Variants in DCAF8 observed in about 807,000 individuals in gnomAD.
DCAF8 encodes the protein DDB1 and CUL4 associated factor 8.
A neutral mutation model predicts 68.0 loss-of-function variants in DCAF8; 20 were observed. That is an observed-to-expected ratio of 0.29 (90% CI 0.21 to 0.43). DCAF8 has a LOEUF of 0.43. DCAF8 is among the 20% of genes least tolerant of loss of function. DCAF8 has a pLI of 1.00. For synonymous variants in DCAF8, 230 were observed against 276.9 expected, an observed-to-expected ratio of 0.83 and a Z score of 1.68; for missense variants, 460 against 771.0, an observed-to-expected ratio of 0.60 and a Z score of 4.78.
At chr1:160,225,816 A>T (rs903297847) in intron 7 of DCAF8, among the ~76,000 whole-genome samples, 153 bp from the exon 8 acceptor site, 3 of 152,174 alleles carry the variant, frequency 2.0e-5, no homozygotes, top group African/African-American at 7.2e-5. Context: ...CTTAAAGGGC[A>T]TCCCTTTTCC....
intron 6 of DCAF8, among the ~76,000 whole-genome samples, chr1:160,236,579 T>A (rs1478307514): frequency 6.6e-6 from 1 of 152,006 alleles, no homozygotes; most frequent in Non-Finnish European, 1.5e-5. Flanking sequence ...AGTGCCTGAT[T>A]TGAGATTTGA....
chr1:160,239,140 C>T (rs1655998734), intron 4 of DCAF8: 4 of 1,043,018 alleles, frequency 3.8e-6, no homozygotes, highest in African/African-American at 3.4e-5. Flanking sequence ...GAAAAGAGAA[C>T]ACCCTTAGGA....
intron 2 of DCAF8, 79 bp from the exon 3 acceptor site, chr1:160,244,113 CA>C (rs1656227464): frequency 9.7e-7 from 1 of 1,033,166 alleles, no homozygotes; most frequent in African/African-American, 1.6e-5. Flanking sequence ...GGAGATTTAA[CA>C]ATGTACAGGT....
chr1:160,218,533 T>A lies in DCAF8; in HGVS notation c.1561-93A>T, dbSNP rs967631676. On this transcript the variant is annotated intron_variant, in intron 12 of 13. Coordinates refer to ENST00000368074, the MANE Select transcript of DCAF8 (RefSeq NM_015726.4). Reference sequence around the variant, plus strand: ...CTGATCTCCTATCCCAATAAAAGCTTCCCTTAAGTTGAAGTGGAGCTACAT... The same window carrying A: ...CTGATCTCCTATCCCAATAAAAGCTACCCTTAAGTTGAAGTGGAGCTACAT... 22 of 990,134 alleles carry A rather than the reference T, an allele frequency of 2.2e-5. No homozygotes were observed. In the East Asian group the frequency reaches 5.2e-4, roughly 24 times the overall value. The allele number at this position is 990,134 out of a possible 1,614,324, so 61.3% of individuals were successfully genotyped here. A position where few individuals can be genotyped will look rare whatever the true frequency, so the allele number is the denominator to read the frequency against.
chr1:160,217,849 T>C (rs1332692450), intron 13 of DCAF8, 141 bp from the exon 14 acceptor site: 9 of 636,284 alleles, frequency 1.4e-5, no homozygotes, highest in Non-Finnish European at 2.5e-5. Flanking sequence ...TACTTTAGAC[T>C]TGTGGTCTAT....
At chr1:160,228,004 C>T (rs1378099136) in intron 7 of DCAF8, among the ~76,000 whole-genome samples, 1 of 152,124 alleles carries the variant, frequency 6.6e-6, no homozygotes, top group Non-Finnish European at 1.5e-5. Context: ...AAGAGATCCT[C>T]CTCTGCCTCC....
chr1:160,218,506 G>A (rs987542347), intron 12 of DCAF8, 66 bp from the exon 13 acceptor site: 121 of 1,189,868 alleles, frequency 1.0e-4, no homozygotes, highest in Non-Finnish European at 1.4e-4. Flanking sequence ...TGATCAAGAA[G>A]GCTGATCTCC....
At chr1:160,254,716 G>A (rs1040468820) in intron 2 of DCAF8, among the ~76,000 whole-genome samples, 1 of 152,014 alleles carries the variant, frequency 6.6e-6, no homozygotes, top group African/African-American at 2.4e-5. Flanking sequence ...GCTTGAACCC[G>A]AGAGGGGAAG....
intron 2 of DCAF8, among the ~76,000 whole-genome samples, chr1:160,244,275 A>C (rs1344601103): frequency 6.6e-6 from 1 of 152,132 alleles, no homozygotes; most frequent in Admixed American, 6.5e-5. Flanking sequence ...TCTTTACTTC[A>C]CTCACTGAGT....
chr1:160,219,196 G>A (rs543538869), intron 11 of DCAF8: 26 of 486,826 alleles, frequency 5.3e-5, no homozygotes, highest in African/African-American at 4.1e-4. Flanking sequence ...TGTATAGGTC[G>A]GGGGTGGCTT....
chr1:160,250,356 C>A (rs1332426433), intron 2 of DCAF8, among the ~76,000 whole-genome samples: 1 of 150,924 alleles, frequency 6.6e-6, no homozygotes, highest in Non-Finnish European at 1.5e-5. Flanking sequence ...ATCCCAGCTA[C>A]TCGGGAGGCT....
At chr1:160,239,177 T>C in intron 4 of DCAF8, 5 of 1,069,532 alleles carry the variant, frequency 4.7e-6, no homozygotes, top group Non-Finnish European at 5.7e-6. Flanking sequence ...GTACAGTAGA[T>C]GGGGCCAAGG....
At chr1:160,223,480 T>C (rs1173729351) in intron 10 of DCAF8, among the ~76,000 whole-genome samples, 2 of 152,108 alleles carry the variant, frequency 1.3e-5, no homozygotes, top group Admixed American at 6.6e-5. Flanking sequence ...GTGGTAACAA[T>C]AGAGAAATGA....
chr1:160,228,216 A>C (rs1351696684), intron 7 of DCAF8, among the ~76,000 whole-genome samples: 2 of 151,758 alleles, frequency 1.3e-5, no homozygotes, highest in African/African-American at 4.8e-5. Context: ...GTCATGAGCC[A>C]CCACACCAAG....
intron 4 of DCAF8, 200 bp from the exon 5 acceptor site, chr1:160,238,947 G>T: frequency 1.5e-6 from 1 of 664,158 alleles, no homozygotes; most frequent in Non-Finnish European, 2.3e-6. Flanking sequence ...AACTTCCTTT[G>T]ATGTAAGAGA....
rs1447226758 is a variant in DCAF8, at chr1:160,237,176, T to G, written c.918A>C (p.Ala306=). ...PCTFLSAGED[A]VVFTIDLRQD... Reference sequence around the variant, plus strand: ...GTCTCAGGTCAATGGTGAAAACAACTGCATCTTCACCTGCAGATAAGAACG... The same window carrying G: ...GTCTCAGGTCAATGGTGAAAACAACGGCATCTTCACCTGCAGATAAGAACG... The change falls in exon 6 of 14, where the codon GCA becomes GCC. Residue 306 remains alanine (A), a synonymous_variant. Transcript: ENST00000368074. 6.3e-7 allele frequency: 1 copy of G among 1,578,426 alleles called. No homozygotes were observed. The highest frequency in any genetic ancestry group is 1.3e-5 in the African/African-American group (1 of 74,610).
At chr1:160,247,944 A>G (rs1460540904) in intron 2 of DCAF8, among the ~76,000 whole-genome samples, 1 of 152,216 alleles carries the variant, frequency 6.6e-6, no homozygotes, top group Non-Finnish European at 1.5e-5. Flanking sequence ...GGGTTAGGCA[A>G]CAATTTCTTA....
Position 160,244,032 on chromosome 1 carries a change from A to G in DCAF8, c.-24T>C, listed in dbSNP as rs369499745. 57 of 1,614,022 alleles carry G rather than the reference A, an allele frequency of 3.5e-5. No homozygotes were observed. In the African/African-American group the frequency reaches 6.8e-4, roughly 19 times the overall value. On this transcript the variant is annotated splice_region_variant and 5_prime_UTR_variant, in exon 3 of 14. Coordinates refer to ENST00000368074, the MANE Select transcript of DCAF8 (RefSeq NM_015726.4). ...ATCTTGAATGATGTTTGCTGTAGCC[A>G]GCCTGGGTTTGGGAGAGGAAGAAAC... is the stretch of plus-strand genomic sequence containing the variant.
intron 3 of DCAF8, 127 bp downstream of exon 3, chr1:160,243,832 TA>T (rs1467360980): frequency 1.3e-5 from 11 of 877,068 alleles, no homozygotes; most frequent in Non-Finnish European, 2.0e-5. Flanking sequence ...TGTAGTTTCC[TA>T]AACTCAGAAC....
Sources: allele counts gnomAD v4.1 joint callset (sites outside exome capture counted in the v4.1 genomes callset), GRCh38; gene constraint gnomAD v4.1.1; transcripts MANE v1.5; gene names NCBI Gene and HGNC (gene_info 2026-07-23, HGNC 2026-07-21).